Variants in TMX3 observed in about 807,000 individuals in gnomAD.
TMX3 encodes protein disulfide-isomerase TMX3.
Under a neutral mutation model 64.4 loss-of-function variants are expected in TMX3, and 40 were observed. The observed-to-expected ratio is 0.62, with a 90% CI of 0.48 to 0.81. TMX3 has a LOEUF of 0.81. Ranked by LOEUF, TMX3 falls within the 30% of genes least tolerant of loss-of-function variation. TMX3 has a pLI of 0.00. For synonymous variants in TMX3, 189 were observed against 175.7 expected (o/e 1.08, Z -0.60); for missense variants, 497 against 534.5 (o/e 0.93, Z 0.69).
At chr18:68,698,074 A>G in intron 6 of TMX3, 43 bp from the exon 7 acceptor site, 1 of 1,297,876 alleles carries the variant, frequency 7.7e-7, no homozygotes, top group Non-Finnish European at 1.1e-6. Context: ...ATTATAAACT[A>G]AAGTACATAA....
Position 68,684,433 on chromosome 18 carries a change from A to G in TMX3, c.789T>C (p.His263=), listed in dbSNP as rs770119095. 3.7e-6 allele frequency: 6 copies of G among 1,612,656 alleles called. No homozygotes were observed. The highest frequency in any genetic ancestry group is 5.1e-6 in the Non-Finnish European group (6 of 1,179,208). ...ACTATATCAAGGCATTATACCTGGT[A>G]TGTTCAACTGATGTATTTTTCTCAT... The part of the protein sequence containing the change: ...VIDEKNTSVE[H]TRLKSIIQEV... The change falls in exon 11 of 16, where the codon CAT becomes CAC. Residue 263 remains histidine (H), a synonymous_variant. Coordinates refer to ENST00000299608, the MANE Select transcript of TMX3 (RefSeq NM_019022.5).
intron 4 of TMX3, among the ~76,000 whole-genome samples, chr18:68,705,903 C>T (rs529485179): frequency 3.3e-4 from 51 of 152,274 alleles, no homozygotes; most frequent in African/African-American, 1.0e-3. Flanking sequence ...CCAACCACTG[C>T]AATGATTTAA....
chr18:68,687,916 A>G (rs1914120329), intron 9 of TMX3, 151 bp from the exon 10 acceptor site: 1 of 485,696 alleles, frequency 2.1e-6, no homozygotes, highest in Non-Finnish European at 3.6e-6. Flanking sequence ...GCATACAATC[A>G]AATGTACAGA....
rs964423829 is a variant in TMX3, at chr18:68,674,187, C to T, written c.*2746G>A. 2.0e-5 allele frequency: 3 copies of T among 152,038 alleles called. No individual in the cohort carries two copies. The highest frequency in any genetic ancestry group is 2.9e-5 in the Non-Finnish European group (2 of 67,992). The allele number at this position is 152,038 out of a possible 1,614,324, so 9.4% of individuals were successfully genotyped here. A position where few individuals can be genotyped will look rare whatever the true frequency, so the allele number is the denominator to read the frequency against. ...TTAAATGTTATTTCTAAATCAGATA[C>T]CAGGAAGCAACTATGTGAGAAAGAA... On this transcript the variant is annotated 3_prime_UTR_variant, in exon 16 of 16. Coordinates refer to ENST00000299608, the MANE Select transcript of TMX3 (RefSeq NM_019022.5).
intron 4 of TMX3, among the ~76,000 whole-genome samples, chr18:68,706,873 A>C (rs1427849234): frequency 2.0e-5 from 3 of 152,222 alleles, no homozygotes; most frequent in Non-Finnish European, 4.4e-5. Context: ...AACTTCTTTA[A>C]CACTAGGAAG....
At chr18:68,714,906 C>A (rs756218821) in intron 1 of TMX3, 30 bp downstream of exon 1, 1 of 1,549,800 alleles carries the variant, frequency 6.5e-7, no homozygotes, top group Non-Finnish European at 8.7e-7. Context: ...CACGCGCCCG[C>A]CAGCGTCCCG....
chr18:68,710,525 A>G (rs1268392984), intron 3 of TMX3, among the ~76,000 whole-genome samples: 2 of 151,356 alleles, frequency 1.3e-5, no homozygotes, highest in East Asian at 3.8e-4. Flanking sequence ...GATAATATCA[A>G]TCTACTTCTA....
Position 68,677,107 on chromosome 18 carries a change from G to A in TMX3, c.1191C>T (p.Tyr397=). The change falls in exon 16 of 16, where the codon TAC becomes TAT. Residue 397 remains tyrosine (Y), a synonymous_variant. Coordinates refer to ENST00000299608, the MANE Select transcript of TMX3 (RefSeq NM_019022.5). ...GVISIMCYGI[Y]TADTDGGYIE... is the part of the protein sequence containing the mutation. ...TATAACCTCCATCTGTGTCGGCTGT[G>A]TAGATTCCATAGCACATGATACTGA... The A allele has an allele frequency of 1.2e-6, 2 of 1,613,788 alleles. No individual in the cohort carries two copies. Among genetic ancestry groups the A allele is most frequent in the Non-Finnish European group, 1.7e-6 (2 of 1,179,784 alleles).
In TMX3 at chr18:68,698,016, T is replaced by C. The variant is rs1915277251; in HGVS notation, c.408A>G (p.Pro136=). The C allele has an allele frequency of 3.7e-6, 6 of 1,611,326 alleles. No individual in the cohort carries two copies. The highest frequency in any genetic ancestry group is 1.7e-4 in the Middle Eastern group (1 of 6,048). Residue 136 remains proline, a synonymous_variant, in exon 7 of 16, where the codon CCA becomes CCG. Transcript: ENST00000299608. ...GTTCAAACATTTGTTGACTTGGAAG[T>C]GGCCGAATTAGAGCCCTGTTGCACA... is the stretch of plus-strand genomic sequence containing the variant. The part of the protein sequence containing the change: ...AHRVSGALIR[P]LPSQQMFEHM...
intron 6 of TMX3, among the ~76,000 whole-genome samples, chr18:68,699,978 G>A (rs1003304911): frequency 6.6e-6 from 1 of 152,074 alleles, no homozygotes; most frequent in Non-Finnish European, 1.5e-5. Flanking sequence ...ATACATTTTC[G>A]AGTATCAAAG....
rs759225063 is a variant in TMX3, at chr18:68,714,994, G to C, written c.-13C>G. 6.4e-7 allele frequency: 1 copy of C among 1,566,970 alleles called. No individual in the cohort carries two copies. Among genetic ancestry groups the C allele is most frequent in the African/African-American group, 1.4e-5 (1 of 73,480 alleles). ...TCCACGCTGCCATGCTAGCCCGGGA[G>C]AGCTGCAGAAGCTGACTGTGCAAAA... On this transcript the variant is annotated 5_prime_UTR_variant, in exon 1 of 16. Coordinates refer to ENST00000299608, the MANE Select transcript of TMX3 (RefSeq NM_019022.5).
rs1435879305 is a variant in TMX3 at position 68,679,473 on chromosome 18, G to C, written c.1094C>G (p.Ser365Cys). Residue 365 changes from serine (S) to cysteine (C), a missense_variant, in exon 15 of 16, where the codon TCT becomes TGT. Physicochemically the swap from Ser to Cys is moderately radical, Grantham distance 112 (BLOSUM62 -1). Around this residue, in one of 3 missense-constraint regions of TMX3, gnomAD observed 43 missense variants for 75.3 expected, o/e 0.57. Transcript: ENST00000299608. ...RLKRIVFDAKSTIVSIFKSSP... is the reference protein window; with the variant it reads ...RLKRIVFDAKCTIVSIFKSSP... ...ACTGTCACAACTTACCACAATAGTA[G>C]ATTTGGCATCAAATACTATTCTTTT... 1 of 1,611,666 alleles carries C rather than the reference G, an allele frequency of 6.2e-7. No individual in the cohort carries two copies. Among genetic ancestry groups the C allele is most frequent in the Non-Finnish European group, 8.5e-7 (1 of 1,178,762 alleles).
chr18:68,673,967 T>G lies in TMX3; in HGVS notation c.*2966A>C, dbSNP rs929125573. 3.3e-5 allele frequency: 5 copies of G among 152,164 alleles called. No individual in the cohort carries two copies. The highest frequency in any genetic ancestry group is 4.4e-5 in the Non-Finnish European group (3 of 68,024). 9.4% of individuals were successfully genotyped at this position (152,164 alleles called of 1,614,324 possible). On this transcript the variant is annotated 3_prime_UTR_variant, in exon 16 of 16. Transcript: ENST00000299608. ...CATTTAATGCATAAGGAGTGTTGAATGATTTTTCCCTGTCCTAACTCCATG... is the reference window on the plus strand; with the variant it reads ...CATTTAATGCATAAGGAGTGTTGAAGGATTTTTCCCTGTCCTAACTCCATG...
At chr18:68,706,451 A>T (rs1460897903) in intron 4 of TMX3, 1 of 152,018 alleles carries the variant, frequency 6.6e-6, no homozygotes. Context: ...AAAAGAAATA[A>T]AATAAATAAA....
rs1599329225 is a variant in TMX3 at position 68,700,593 on chromosome 18, T to C, written c.312-108A>G. ...AAATTATATTACATAAAATAGTAAA[T>C]GCAGAGAAGTTTTAGAAGTAGCTCT... On this transcript the variant is annotated intron_variant, in intron 5 of 15. Coordinates refer to ENST00000299608, the MANE Select transcript of TMX3 (RefSeq NM_019022.5). The C allele has an allele frequency of 1.2e-5, 12 of 966,486 alleles. No homozygotes were observed. The East Asian group carries it at 3.9e-4, about 31-fold the overall frequency. 59.9% of individuals were successfully genotyped at this position (966,486 alleles called of 1,614,324 possible).
chr18:68,708,043 GTGTA>G (rs879549996), intron 4 of TMX3, among the ~76,000 whole-genome samples: 4,044 of 133,712 alleles, frequency 0.03, 182 homozygotes, highest in African/African-American at 0.14. Context: ...GTGTATATAT[GTGTA>G]TATATATGTG....
chr18:68,688,585 T>C (rs1373130420), intron 9 of TMX3: 1 of 152,222 alleles, frequency 6.6e-6, no homozygotes, highest in Non-Finnish European at 1.5e-5. Flanking sequence ...TCTTCAAAGG[T>C]ATGCTTTTTC....
At chr18:68,696,069 A>C (rs559255201) in intron 8 of TMX3, among the ~76,000 whole-genome samples, 2 of 152,188 alleles carry the variant, frequency 1.3e-5, no homozygotes, top group Non-Finnish European at 2.9e-5. Flanking sequence ...TCTCAGTTCA[A>C]GTATTTTCTT....
intron 10 of TMX3, 106 bp downstream of exon 10, chr18:68,687,561 T>A (rs1410853334): frequency 2.0e-6 from 3 of 1,496,426 alleles, no homozygotes; most frequent in East Asian, 2.5e-5. Context: ...AAATAAAAAA[T>A]TAAGTTGAGA....
Sources: allele counts gnomAD v4.1 joint callset (sites outside exome capture counted in the v4.1 genomes callset), GRCh38; gene constraint gnomAD v4.1.1; regional missense constraint gnomAD v4.1.1; transcripts MANE v1.5; gene names NCBI Gene and HGNC (gene_info 2026-07-23, HGNC 2026-07-21).